The following TTC7B variants were observed in gnomAD, a reference collection of about 807,000 sequenced individuals.
The protein encoded by TTC7B is tetratricopeptide repeat protein 7B.
Under a neutral mutation model 106.8 loss-of-function variants are expected in TTC7B, and 28 were observed. The observed-to-expected ratio is 0.26, with a 90% CI of 0.19 to 0.36. The LOEUF is 0.36. TTC7B is among the 10% of genes least tolerant of loss of function. TTC7B has a pLI of 1.00. For missense variants in TTC7B, 862 were observed against 1,076.4 expected (o/e 0.80, Z 2.79); for synonymous variants, 405 against 430.6 (o/e 0.94, Z 0.74).
rs189391030 is a variant in TTC7B, at chr14:90,740,927, A to G, written c.576+3865T>C. Among the ~76,000 whole-genome samples the G allele has an allele frequency of 2.3e-3, 349 of 152,322 alleles. 6 individuals are homozygous for G. The highest frequency in any genetic ancestry group is 8.2e-3 in the African/African-American group (340 of 41,578). On this transcript the variant is annotated intron_variant, in intron 4 of 19. Coordinates refer to ENST00000328459, the MANE Select transcript of TTC7B (RefSeq NM_001010854.2). ...ACACAGGAACAGATAAGGGCAAGAG[A>G]GCTGACATTTACTGCATGCTGACAA...
chr14:90,708,443 G>T (rs1193909052), intron 5 of TTC7B, among the ~76,000 whole-genome samples: 1 of 152,146 alleles, frequency 6.6e-6, no homozygotes, highest in East Asian at 1.9e-4. Flanking sequence ...TTACCATTTT[G>T]AAAATCCTAG....
At chr14:90,583,696 C>T (rs947012681) in intron 18 of TTC7B, among the ~76,000 whole-genome samples, 3 of 152,144 alleles carry the variant, frequency 2.0e-5, no homozygotes, top group Non-Finnish European at 4.4e-5. Context: ...CCGCTGGTGG[C>T]TGACTGCCTC....
At chr14:90,589,255 A>T (rs1197105463) in intron 18 of TTC7B, among the ~76,000 whole-genome samples, 4 of 151,432 alleles carry the variant, frequency 2.6e-5, no homozygotes, top group Non-Finnish European at 5.9e-5. Context: ...TCTTACAGAT[A>T]AAAAAAAATA....
At chr14:90,594,414 C>T (rs1319936188) in intron 17 of TTC7B, among the ~76,000 whole-genome samples, 2 of 152,054 alleles carry the variant, frequency 1.3e-5, no homozygotes, top group South Asian at 4.2e-4. Flanking sequence ...CATTTCTTTT[C>T]ACGTTGACCT....
Position 90,742,307 on chromosome 14 carries a change from CCTTTCT to C in TTC7B, c.576+2479_576+2484del, listed in dbSNP as rs965585484. On this transcript the variant is annotated intron_variant, in intron 4 of 19. Coordinates refer to ENST00000328459, the MANE Select transcript of TTC7B (RefSeq NM_001010854.2). This position sits in a 1 kb window ranked among gnomAD's most constrained non-coding sequence, Gnocchi z 4.1. ...TCCTTCCCTCCCTTCCTCCCTCCCT[CCTTTCT>C]CTTTCTCTTTCTCTCTCTCTCTCTT... Among the ~76,000 whole-genome samples the C allele has an allele frequency of 2.0e-4, 31 of 151,640 alleles. No individual in the cohort carries two copies. The highest frequency in any genetic ancestry group is 6.8e-4 in the African/African-American group (28 of 41,312).
At position 90,530,867 on chromosome 14, in the gene TTC7B, C is replaced by G. The variant is rs1206283609; in HGVS notation, c.*10501G>C. On this transcript the variant is annotated 3_prime_UTR_variant, in exon 20 of 20. Transcript: ENST00000328459. ...GTTGTTTTATTGGGTGCAGTGTATA[C>G]TGCTCGGGTGATGGGTGCACCAAAA... is the stretch of plus-strand genomic sequence containing the variant. 1 of 152,176 alleles carries G rather than the reference C, an allele frequency of 6.6e-6. No individual in the cohort carries two copies. Among genetic ancestry groups the G allele is most frequent in the Admixed American group, 6.5e-5 (1 of 15,268 alleles). The allele number at this position is 152,176 out of a possible 1,614,324, so 9.4% of individuals were successfully genotyped here.
At chr14:90,721,969 T>C (rs1368154990) in intron 5 of TTC7B, among the ~76,000 whole-genome samples, 3 of 152,260 alleles carry the variant, frequency 2.0e-5, no homozygotes, top group Non-Finnish European at 4.4e-5. Context: ...CTCTAACAGC[T>C]GTTGGAGCTT....
In TTC7B at chr14:90,578,359, CT is replaced by C; in HGVS notation, c.2108-52del. The C allele has an allele frequency of 1.3e-6, 2 of 1,568,260 alleles. No individual in the cohort carries two copies. Among genetic ancestry groups the C allele is most frequent in the Non-Finnish European group, 1.7e-6 (2 of 1,151,166 alleles). On this transcript the variant is annotated intron_variant, in intron 18 of 19. Transcript: ENST00000328459. This position sits in a 1 kb window ranked among gnomAD's most constrained non-coding sequence, Gnocchi z 4.7. ...GCTTTCCTGGTGCCCCTCTGAGGCC[CT>C]GCGAGCAGCCACCACTCTGATGTTC...
chr14:90,561,264 A>T (rs1286496), intron 19 of TTC7B, among the ~76,000 whole-genome samples: 11 of 152,022 alleles, frequency 7.2e-5, no homozygotes, highest in Non-Finnish European at 1.6e-4. Flanking sequence ...TCAGAAGGTC[A>T]CTGGCCAGCA....
intron 5 of TTC7B, chr14:90,697,183 T>G (rs1887787517): frequency 6.6e-6 from 1 of 152,184 alleles, no homozygotes; most frequent in Non-Finnish European, 1.5e-5. Context: ...AAATCAGGCC[T>G]GGAATAAGCA....
rs780712584 is a variant in TTC7B at position 90,816,200 on chromosome 14, C to A, written c.96G>T (p.Gln32His). The change falls in exon 1 of 20, where the codon CAG (glutamine) becomes CAT (histidine). Residue 32 changes from glutamine to histidine, a missense_variant. Physicochemically the swap from Gln to His is conservative, Grantham distance 24. Transcript: ENST00000328459. ...CGTTGGCGATGAGCTTGGCCGACAG[C>A]TGCTTGACGAGCTCAGGGATCCGCT... Reference protein sequence around the residue: ...QWERIPELVKQLSAKLIANDD... With the variant: ...QWERIPELVKHLSAKLIANDD... The A allele has an allele frequency of 7.9e-6, 10 of 1,269,218 alleles. No individual in the cohort carries two copies. In the South Asian group the frequency reaches 1.1e-4, roughly 14 times the overall value. The allele number at this position is 1,269,218 out of a possible 1,614,324, so 78.6% of individuals were successfully genotyped here. A position where few individuals can be genotyped will look rare whatever the true frequency, so the allele number is the denominator to read the frequency against.
chr14:90,555,913 T>C (rs1016619780), intron 19 of TTC7B, among the ~76,000 whole-genome samples: 1 of 152,144 alleles, frequency 6.6e-6, no homozygotes, highest in African/African-American at 2.4e-5. Flanking sequence ...GCTGGTAGGG[T>C]CACCGGGGAC....
At chr14:90,633,552 A>T (rs1884794167) in intron 15 of TTC7B, among the ~76,000 whole-genome samples, 1 of 152,224 alleles carries the variant, frequency 6.6e-6, no homozygotes, top group Admixed American at 6.5e-5. Flanking sequence ...TCAGTTCTTA[A>T]CCTGATATTT....
At chr14:90,549,393 T>G (rs1307659250) in intron 19 of TTC7B, among the ~76,000 whole-genome samples, 7 of 152,162 alleles carry the variant, frequency 4.6e-5, no homozygotes, top group Non-Finnish European at 8.8e-5. Flanking sequence ...CGTGGTGGGG[T>G]GTCAGGGACT....
chr14:90,551,063 G>C (rs924471436), intron 19 of TTC7B, among the ~76,000 whole-genome samples: 1 of 152,116 alleles, frequency 6.6e-6, no homozygotes, highest in African/African-American at 2.4e-5. Flanking sequence ...CTATTTGCTC[G>C]TACACCACAG....
chr14:90,679,412 T>C (rs1280825512), intron 8 of TTC7B, among the ~76,000 whole-genome samples: 1 of 152,170 alleles, frequency 6.6e-6, no homozygotes, highest in African/African-American at 2.4e-5. Context: ...ATACCTCCCA[T>C]TAAACAGTAT....
intron 19 of TTC7B, among the ~76,000 whole-genome samples, chr14:90,555,985 C>A (rs1179139565): frequency 1.3e-5 from 2 of 152,238 alleles, no homozygotes; most frequent in South Asian, 2.1e-4. Flanking sequence ...TCCCTGCCGG[C>A]TGCAGCCTAA....
intron 1 of TTC7B, among the ~76,000 whole-genome samples, chr14:90,799,838 G>GT (rs1211228808): frequency 1.4e-4 from 21 of 150,912 alleles, no homozygotes; most frequent in South Asian, 6.3e-4. Flanking sequence ...TTTTTTGTTT[G>GT]TTTTTTTTTG....
chr14:90,716,084 G>C (rs1888645181), intron 5 of TTC7B, among the ~76,000 whole-genome samples: 1 of 152,180 alleles, frequency 6.6e-6, no homozygotes, highest in Non-Finnish European at 1.5e-5. Flanking sequence ...ACTGCAACTG[G>C]GTCTTGCAGT....
Sources: allele counts gnomAD v4.1 joint callset (sites outside exome capture counted in the v4.1 genomes callset), GRCh38; gene constraint gnomAD v4.1.1; non-coding constraint Gnocchi (gnomAD v3.1); transcripts MANE v1.5; gene names NCBI Gene and HGNC (gene_info 2026-07-23, HGNC 2026-07-21).